ST7: variants seen among roughly 807,000 people sequenced by gnomAD.
ST7 encodes suppression of tumorigenicity 7.
Under a neutral mutation model 78.7 loss-of-function variants are expected in ST7, and 28 were observed. That is an observed-to-expected ratio of 0.36 (90% CI 0.26 to 0.49). ST7 has a LOEUF of 0.49. Ranked by LOEUF, ST7 falls within the 20% of genes least tolerant of loss-of-function variation. The pLI is 0.99. For synonymous variants in ST7, 247 were observed against 249.6 expected (o/e 0.99, Z 0.10); for missense variants, 418 against 696.0 (o/e 0.60, Z 4.49).
chr7:117,225,939 A>G (rs572619821), intron 15 of ST7, among the ~76,000 whole-genome samples: 2 of 152,350 alleles, frequency 1.3e-5, no homozygotes, highest in Non-Finnish European at 2.9e-5. Context: ...TTTAGTTACA[A>G]AGATAAGCTT....
chr7:116,980,045 G>C (rs1299608197), intron 1 of ST7, among the ~76,000 whole-genome samples: 3 of 127,764 alleles, frequency 2.3e-5, no homozygotes, highest in Non-Finnish European at 4.7e-5. Context: ...TGCAACCTCC[G>C]GCTCCTGGAT....
At chr7:117,082,294 C>A (rs530960539) in intron 1 of ST7, among the ~76,000 whole-genome samples, 2 of 152,262 alleles carry the variant, frequency 1.3e-5, no homozygotes, top group African/African-American at 4.8e-5. Context: ...CATATAGAAA[C>A]ACCCACTTCA....
chr7:117,053,850 GT>G (rs35767775), intron 1 of ST7, among the ~76,000 whole-genome samples: 130,745 of 147,126 alleles, frequency 0.89, 58,059 homozygotes, highest in South Asian at 0.94. Flanking sequence ...GGACTAGACG[GT>G]TTTTTTTTTT....
At chr7:117,010,892 A>G (rs932215045) in intron 1 of ST7, among the ~76,000 whole-genome samples, 1 of 152,172 alleles carries the variant, frequency 6.6e-6, no homozygotes, top group Non-Finnish European at 1.5e-5. Context: ...CGTGGCAGGC[A>G]CTAGTCCAGG....
At position 116,984,113 on chromosome 7, in the gene ST7, CTGTGTG is replaced by C. The variant is rs56178812; in HGVS notation, c.151+30448_151+30453del. On this transcript the variant is annotated intron_variant, in intron 1 of 15. Coordinates refer to ENST00000323984, the MANE Select transcript of ST7 (RefSeq NM_001369598.1). ...TCCAGTTTGCACGTATTTATGTCAGCTGTGTGTGTGTGTGTGTGTGTGTGTGTGTGT... is the reference window on the plus strand; with the variant it reads ...TCCAGTTTGCACGTATTTATGTCAGCTGTGTGTGTGTGTGTGTGTGTGTGT... 5.5e-5 allele frequency among the ~76,000 whole-genome samples: 8 copies of C among 144,674 alleles called. No individual in the cohort carries two copies. The East Asian group carries it at 8.2e-4, about 15-fold the overall frequency. 94.9% of individuals were successfully genotyped at this position (144,674 alleles called of 152,430 possible).
At chr7:117,175,953 T>C (rs976310411) in intron 10 of ST7, among the ~76,000 whole-genome samples, 1 of 152,184 alleles carries the variant, frequency 6.6e-6, no homozygotes, top group South Asian at 2.1e-4. Context: ...TTAAAATTAA[T>C]TATGGATCTA....
At chr7:117,198,442 C>A (rs1368760412) in intron 12 of ST7, 4 of 357,048 alleles carry the variant, frequency 1.1e-5, no homozygotes, top group South Asian at 2.1e-5. Context: ...GCCTTGAGGA[C>A]CCTCAGTGTC....
intron 9 of ST7, among the ~76,000 whole-genome samples, chr7:117,152,998 C>T (rs1334278156): frequency 6.6e-6 from 1 of 152,004 alleles, no homozygotes; most frequent in East Asian, 1.9e-4. Flanking sequence ...TTTAGTGGGT[C>T]CCGGTAGAAT....
intron 1 of ST7, among the ~76,000 whole-genome samples, chr7:117,041,911 A>G (rs983781606): frequency 2.0e-5 from 3 of 152,230 alleles, no homozygotes; most frequent in South Asian, 2.1e-4. Context: ...GGCTCAGTGT[A>G]ATCACAAGGG....
intron 1 of ST7, among the ~76,000 whole-genome samples, chr7:117,082,783 C>T (rs1799882253): frequency 1.3e-5 from 2 of 152,194 alleles, no homozygotes; most frequent in Admixed American, 1.3e-4. Flanking sequence ...TTTAACTCAG[C>T]TGTTGTAGCA....
chr7:117,100,374 C>G (rs905485841), intron 2 of ST7, among the ~76,000 whole-genome samples: 1 of 152,066 alleles, frequency 6.6e-6, no homozygotes, highest in African/African-American at 2.4e-5. Flanking sequence ...ATCTGGGAGG[C>G]TGAGGCAGGA....
At chr7:117,180,030 C>G (rs1308510187) in intron 10 of ST7, among the ~76,000 whole-genome samples, 1 of 152,168 alleles carries the variant, frequency 6.6e-6, no homozygotes, top group Non-Finnish European at 1.5e-5. Flanking sequence ...GTTTTTCTTT[C>G]TTAAGCAACA....
At chr7:117,204,903 T>C (rs989113993) in intron 12 of ST7, among the ~76,000 whole-genome samples, 4 of 151,988 alleles carry the variant, frequency 2.6e-5, no homozygotes, top group African/African-American at 7.3e-5. Context: ...GAGAGAAAAA[T>C]AAAAATGCTT....
rs78602984 is a variant in ST7, at chr7:117,041,966, G to A, written c.152-57796G>A. Among the ~76,000 whole-genome samples the A allele has an allele frequency of 4.5e-4, 68 of 152,316 alleles. 1 individual carries two copies. In the East Asian group the frequency reaches 8.5e-3, roughly 19 times the overall value. ...AAGGCAGAAGAGGTCAGAGTAATGC[G>A]ATATGAGAAGAACTCAACCTGCCTT... On this transcript the variant is annotated intron_variant, in intron 1 of 15. Transcript: ENST00000323984.
At chr7:116,980,746 C>CT (rs1304597649) in intron 1 of ST7, among the ~76,000 whole-genome samples, 2 of 152,128 alleles carry the variant, frequency 1.3e-5, no homozygotes, top group Non-Finnish European at 2.9e-5. Context: ...TGATGTGGTA[C>CT]TTTATCACTT....
At chr7:117,163,661 G>A (rs575373324) in intron 9 of ST7, among the ~76,000 whole-genome samples, 5 of 152,156 alleles carry the variant, frequency 3.3e-5, no homozygotes, top group African/African-American at 1.2e-4. Flanking sequence ...TTGCTGTTGA[G>A]ATGTTTGAGT....
chr7:117,153,267 A>G (rs1278589375), intron 9 of ST7, among the ~76,000 whole-genome samples: 2 of 152,192 alleles, frequency 1.3e-5, no homozygotes, highest in East Asian at 3.9e-4. Flanking sequence ...GAATGATTTC[A>G]GCTTTAGATC....
chr7:117,208,881 G>A (rs1448859428), intron 12 of ST7, among the ~76,000 whole-genome samples: 1 of 145,464 alleles, frequency 6.9e-6, no homozygotes, highest in African/African-American at 2.6e-5. Flanking sequence ...TGGTGGTGGT[G>A]GTGGGGTGGG....
intron 1 of ST7, among the ~76,000 whole-genome samples, chr7:117,063,236 T>C (rs1263591066): frequency 6.6e-6 from 1 of 152,250 alleles, no homozygotes; most frequent in Non-Finnish European, 1.5e-5. Context: ...ATAAGACTTT[T>C]TAAATAATAT....
Sources: gnomAD v4.1 joint callset for allele counts (sites outside exome capture counted in the v4.1 genomes callset) on GRCh38, gnomAD v4.1.1 for gene constraint, MANE v1.5 for transcripts, NCBI Gene and HGNC (gene_info 2026-07-23, HGNC 2026-07-21) for gene names.